THADA: variants seen among roughly 807,000 people sequenced by gnomAD.
The protein encoded by THADA is tRNA (32-2'-O)-methyltransferase regulator THADA.
In THADA, 213 loss-of-function variants were observed where a neutral mutation model predicts 219.8. The observed-to-expected ratio is 0.97, with a 90% CI of 0.87 to 1.09. THADA has a LOEUF of 1.09. THADA is among the 50% of genes least tolerant of loss of function. The probability of loss-of-function intolerance (pLI) is 0.00; values close to 1 mark genes in which losing one functional copy is unlikely to be tolerated. For missense variants in THADA, 2,956 were observed against 2,311.3 expected, an observed-to-expected ratio of 1.28 and a Z score of -5.72; for synonymous variants, 1,018 against 828.9, an observed-to-expected ratio of 1.23 and a Z score of -3.92.
chr2:43,477,162 C>T (rs1273312758), intron 26 of THADA, among the ~76,000 whole-genome samples: 1 of 151,996 alleles, frequency 6.6e-6, no homozygotes, highest in African/African-American at 2.4e-5. Flanking sequence ...AGAAATATGC[C>T]TTTCACCTGC....
intron 31 of THADA, among the ~76,000 whole-genome samples, chr2:43,298,683 A>G (rs1675884569): frequency 6.6e-6 from 1 of 152,170 alleles, no homozygotes; most frequent in Non-Finnish European, 1.5e-5. Context: ...GAGTGTAAGT[A>G]TAGTCTGCTG....
intron 22 of THADA, among the ~76,000 whole-genome samples, chr2:43,523,267 G>A (rs1358247176): frequency 1.3e-5 from 2 of 151,968 alleles, no homozygotes; most frequent in African/African-American, 4.8e-5. Context: ...TTGGGAGGCT[G>A]AGACAGATTC....
chr2:43,320,671 G>T, intron 30 of THADA, 131 bp from the exon 31 acceptor site: 1 of 592,992 alleles, frequency 1.7e-6, no homozygotes, highest in Non-Finnish European at 2.9e-6. Flanking sequence ...ATTAAGAAAT[G>T]ATGTACAATC....
chr2:43,571,779 C>T lies in THADA; in HGVS notation c.1992G>A (p.Gln664=). Residue 664 remains glutamine (Q), a synonymous_variant, in exon 13 of 38, where the codon CAG becomes CAA. Transcript: ENST00000405975. ...IVSMEEMQWI[Q]FFITYNLNSQ... is the part of the protein sequence containing the mutation. ...TGTTAAGATTGTATGTAATAAAGAA[C>T]TGAATCCACTGCATTTCTTCCATGG... 3 of 1,613,782 alleles carry T rather than the reference C, an allele frequency of 1.9e-6. No individual in the cohort carries two copies. Among genetic ancestry groups the T allele is most frequent in the Non-Finnish European group, 2.5e-6 (3 of 1,179,688 alleles).
At chr2:43,452,936 C>T (rs1368819339) in intron 26 of THADA, among the ~76,000 whole-genome samples, 1 of 152,112 alleles carries the variant, frequency 6.6e-6, no homozygotes, top group Non-Finnish European at 1.5e-5. Flanking sequence ...CCCAAAAAAA[C>T]ATCTAACTCC....
rs533225074 is a variant in THADA at position 43,432,014 on chromosome 2, G to A, written c.3837-1712C>T. On this transcript the variant is annotated intron_variant, in intron 26 of 37. Transcript: ENST00000405975. The stretch of plus-strand genomic sequence containing the variant: ...TGGGACTACAGGCGCCCGCCACTAC[G>A]CCCGGCTAATTTTTTGTATTTTTAG... Among the ~76,000 whole-genome samples, 8 of 130,062 alleles carry A rather than the reference G, an allele frequency of 6.2e-5. 3 individuals carry two copies. The highest frequency in any genetic ancestry group is 1.8e-4 in the African/African-American group (5 of 28,530). 85.3% of individuals were successfully genotyped at this position (130,062 alleles called of 152,430 possible). A position where few individuals can be genotyped will look rare whatever the true frequency, so the allele number is the denominator to read the frequency against.
chr2:43,429,714 G>A (rs372449041), intron 27 of THADA, among the ~76,000 whole-genome samples: 5 of 151,226 alleles, frequency 3.3e-5, no homozygotes, highest in African/African-American at 7.3e-5. Context: ...CTGTACCACC[G>A]AAAATGGAAT....
At chr2:43,311,929 TG>T (rs1271489029) in intron 31 of THADA, among the ~76,000 whole-genome samples, 1 of 152,212 alleles carries the variant, frequency 6.6e-6, no homozygotes, top group Non-Finnish European at 1.5e-5. Flanking sequence ...CCGGTCATGG[TG>T]GCTCATGCCT....
chr2:43,297,353 G>C (rs1400658961), intron 31 of THADA, among the ~76,000 whole-genome samples: 3 of 92,528 alleles, frequency 3.2e-5, no homozygotes, highest in Admixed American at 9.0e-5. Flanking sequence ...CAGCTGCCCC[G>C]TCTGAGAAGT....
intron 26 of THADA, among the ~76,000 whole-genome samples, chr2:43,457,464 C>T (rs1305421215): frequency 6.6e-6 from 1 of 152,054 alleles, no homozygotes; most frequent in Non-Finnish European, 1.5e-5. Context: ...AATTTAAAGT[C>T]AATCTTAACA....
intron 26 of THADA, among the ~76,000 whole-genome samples, chr2:43,465,458 T>C (rs1428250718): frequency 6.6e-6 from 1 of 152,168 alleles, no homozygotes; most frequent in Non-Finnish European, 1.5e-5. Context: ...AGTGCCTCCT[T>C]CTACAACTAC....
chr2:43,523,560 T>C (rs554587519), intron 22 of THADA, among the ~76,000 whole-genome samples: 12 of 152,316 alleles, frequency 7.9e-5, no homozygotes, highest in Non-Finnish European at 1.0e-4. Context: ...TATATTTAAA[T>C]TGCTCATCAA....
chr2:43,591,707 G>A (rs1246957498), intron 3 of THADA, among the ~76,000 whole-genome samples: 1 of 151,982 alleles, frequency 6.6e-6, no homozygotes, highest in Non-Finnish European at 1.5e-5. Flanking sequence ...CCACAAAAGA[G>A]GTATGCACAT....
intron 22 of THADA, among the ~76,000 whole-genome samples, chr2:43,525,471 C>T (rs1441107926): frequency 2.0e-5 from 3 of 152,164 alleles, no homozygotes; most frequent in African/African-American, 7.2e-5. Context: ...CAGCTTCTGG[C>T]TGATTCTCTT....
At chr2:43,523,034 T>C (rs992603385) in intron 22 of THADA, among the ~76,000 whole-genome samples, 8 of 152,106 alleles carry the variant, frequency 5.3e-5, no homozygotes, top group African/African-American at 7.2e-5. Context: ...CAGTGAGAAA[T>C]AGTGTCTTAT....
chr2:43,532,320 G>A (rs770509234), intron 21 of THADA, among the ~76,000 whole-genome samples: 13 of 150,918 alleles, frequency 8.6e-5, no homozygotes, highest in Non-Finnish European at 1.9e-4. Flanking sequence ...GGCTGAGGCA[G>A]GAGACCCGTT....
At chr2:43,412,077 TATTTTATGTTGG>T (rs1437125336) in intron 28 of THADA, among the ~76,000 whole-genome samples, 1 of 152,194 alleles carries the variant, frequency 6.6e-6, no homozygotes, top group African/African-American at 2.4e-5. Flanking sequence ...GATCAGATGA[TATTTTATGTTGG>T]ATTTTAAACA....
intron 36 of THADA, among the ~76,000 whole-genome samples, chr2:43,258,644 A>C (rs371579023): frequency 1.3e-4 from 20 of 152,354 alleles, no homozygotes; most frequent in African/African-American, 3.8e-4. Flanking sequence ...AAGAGACCAA[A>C]TCATTCTTTG....
intron 22 of THADA, among the ~76,000 whole-genome samples, chr2:43,509,507 A>C (rs1266236809): frequency 6.6e-6 from 1 of 152,228 alleles, no homozygotes; most frequent in Non-Finnish European, 1.5e-5. Flanking sequence ...CCTGGTTTTA[A>C]CTGAAATTAA....
Sources: allele counts gnomAD v4.1 joint callset (sites outside exome capture counted in the v4.1 genomes callset), GRCh38; gene constraint gnomAD v4.1.1; transcripts MANE v1.5; gene names NCBI Gene and HGNC (gene_info 2026-07-23, HGNC 2026-07-21).